The following NCOA2 variants were observed in gnomAD, a reference collection of about 807,000 sequenced individuals.
The protein encoded by NCOA2 is nuclear receptor coactivator 2.
In NCOA2, 21 loss-of-function variants were observed where a neutral mutation model predicts 145.1. The observed-to-expected ratio is 0.14, with a 90% confidence interval of 0.10 to 0.21. The LOEUF is 0.21. NCOA2 is among the 10% of genes least tolerant of loss of function. The pLI is 1.00. For synonymous variants in NCOA2, 619 were observed against 637.5 expected, an observed-to-expected ratio of 0.97 and a Z score of 0.44; for missense variants, 1,472 against 1,837.6, an observed-to-expected ratio of 0.80 and a Z score of 3.64.
At chr8:70,252,698 T>G (rs773660912) in intron 2 of NCOA2, among the ~76,000 whole-genome samples, 1 of 152,216 alleles carries the variant, frequency 6.6e-6, no homozygotes, top group Non-Finnish European at 1.5e-5. Context: ...ATTAAGGTTT[T>G]TATGTCTTTT....
intron 12 of NCOA2, 71 bp from the exon 13 acceptor site, chr8:70,144,919 A>G (rs1437371617): frequency 4.4e-6 from 6 of 1,351,468 alleles, no homozygotes; most frequent in Non-Finnish European, 5.3e-6. Context: ...AGTAGTGTTT[A>G]GGGACAATGT....
chr8:70,326,645 A>G (rs574520046), intron 1 of NCOA2, among the ~76,000 whole-genome samples: 1 of 152,186 alleles, frequency 6.6e-6, no homozygotes, highest in Non-Finnish European at 1.5e-5. Context: ...ATCATTGGTC[A>G]CGGCCTCCAG....
chr8:70,112,470 T>C lies in NCOA2; in HGVS notation c.*1162A>G. 1 of 200,300 alleles carries C rather than the reference T, an allele frequency of 5.0e-6. No homozygotes were observed. Among genetic ancestry groups the C allele is most frequent in the African/African-American group, 2.3e-5 (1 of 43,608 alleles). 12.4% of individuals were successfully genotyped at this position (200,300 alleles called of 1,614,324 possible). A position where few individuals can be genotyped will look rare whatever the true frequency, so the allele number is the denominator to read the frequency against. On this transcript the variant is annotated 3_prime_UTR_variant, in exon 23 of 23. Transcript: ENST00000452400. Reference sequence around the variant, plus strand: ...GCTAAAAAACAAAATAAAAAACACATGGCAGAGGTTAAATCTGTCGTGATA... The same window carrying C: ...GCTAAAAAACAAAATAAAAAACACACGGCAGAGGTTAAATCTGTCGTGATA...
At chr8:70,220,214 G>C (rs1471963787) in intron 2 of NCOA2, among the ~76,000 whole-genome samples, 1 of 152,086 alleles carries the variant, frequency 6.6e-6, no homozygotes, top group African/African-American at 2.4e-5. Flanking sequence ...TAAATTAATA[G>C]TTTCTTATAA....
At chr8:70,230,916 A>AT (rs1427322077) in intron 2 of NCOA2, among the ~76,000 whole-genome samples, 1 of 152,220 alleles carries the variant, frequency 6.6e-6, no homozygotes, top group Non-Finnish European at 1.5e-5. Context: ...CCACCATGTC[A>AT]TTAAATGTCT....
chr8:70,186,044 A>G (rs770969331), intron 4 of NCOA2, among the ~76,000 whole-genome samples: 12 of 152,116 alleles, frequency 7.9e-5, no homozygotes, highest in Non-Finnish European at 1.3e-4. Flanking sequence ...AAACGCACAT[A>G]CAAATAATAA....
intron 3 of NCOA2, among the ~76,000 whole-genome samples, chr8:70,215,263 A>T (rs886796490): frequency 1.3e-5 from 2 of 152,172 alleles, no homozygotes; most frequent in African/African-American, 4.8e-5. Context: ...CTCACAAGGT[A>T]AGAAATAAAT....
intron 2 of NCOA2, among the ~76,000 whole-genome samples, chr8:70,255,966 T>A (rs951055320): frequency 1.3e-5 from 2 of 152,220 alleles, no homozygotes; most frequent in Non-Finnish European, 2.9e-5. Flanking sequence ...TACCTTTCCT[T>A]CCTAAGTCTG....
chr8:70,191,539 CTTACA>C (rs886239925), intron 4 of NCOA2, among the ~76,000 whole-genome samples: 1 of 152,138 alleles, frequency 6.6e-6, no homozygotes, highest in African/African-American at 2.4e-5. Context: ...AGAGATGAAC[CTTACA>C]TTAATTCTTC....
At chr8:70,402,778 C>CCCCCGG (rs1056010696) in intron 1 of NCOA2, among the ~76,000 whole-genome samples, 29 of 151,724 alleles carry the variant, frequency 1.9e-4, no homozygotes, top group South Asian at 6.2e-4. Flanking sequence ...CCGCCTCCCG[C>CCCCCGG]CCCCGGCCCC....
chr8:70,248,552 G>A (rs1234932520), intron 2 of NCOA2, among the ~76,000 whole-genome samples: 2 of 152,050 alleles, frequency 1.3e-5, no homozygotes, highest in Non-Finnish European at 2.9e-5. Flanking sequence ...ATGGTCTTGG[G>A]GGATTGCTTC....
At chr8:70,196,016 G>C (rs942535303) in intron 4 of NCOA2, among the ~76,000 whole-genome samples, 1 of 152,174 alleles carries the variant, frequency 6.6e-6, no homozygotes, top group Admixed American at 6.5e-5. Flanking sequence ...TCTGAATACA[G>C]AGCAGCAGTA....
intron 15 of NCOA2, among the ~76,000 whole-genome samples, chr8:70,133,881 C>T (rs564852888): frequency 6.6e-6 from 1 of 152,294 alleles, no homozygotes; most frequent in South Asian, 2.1e-4. Context: ...GCATTAATAA[C>T]AACCTATTCT....
upstream of NCOA2, among the ~76,000 whole-genome samples, chr8:70,408,390 T>G (rs1563857692): frequency 6.6e-6 from 1 of 152,138 alleles, no homozygotes; most frequent in Non-Finnish European, 1.5e-5. Flanking sequence ...AATTTTAAAA[T>G]GCCATTTACA....
intron 12 of NCOA2, among the ~76,000 whole-genome samples, chr8:70,145,324 A>ATCTTTTCTTTCT (rs1810917980): frequency 6.8e-6 from 1 of 147,228 alleles, no homozygotes; most frequent in African/African-American, 2.5e-5. Context: ...TGCCCGGCTA[A>ATCTTTTCTTTCT]TTTTTTCTTT....
intron 4 of NCOA2, among the ~76,000 whole-genome samples, chr8:70,194,468 T>C (rs758178899): frequency 2.1e-4 from 32 of 152,282 alleles, no homozygotes; most frequent in Non-Finnish European, 3.4e-4. Flanking sequence ...GTTGTTTATC[T>C]AGAGGTTACA....
At chr8:70,270,449 A>G (rs1824955777) in intron 2 of NCOA2, among the ~76,000 whole-genome samples, 1 of 152,144 alleles carries the variant, frequency 6.6e-6, no homozygotes, top group African/African-American at 2.4e-5. Flanking sequence ...TGCTACCATT[A>G]TCTGGCATGC....
chr8:70,306,944 G>A (rs750317350), intron 1 of NCOA2, among the ~76,000 whole-genome samples: 24 of 152,164 alleles, frequency 1.6e-4, no homozygotes, highest in Non-Finnish European at 1.0e-4. Flanking sequence ...GTTAAAGCAA[G>A]AGGAAGAAAT....
At chr8:70,441,740 A>G in the NCOA2 span, among the ~76,000 whole-genome samples, 1 of 150,422 alleles carries the variant, frequency 6.6e-6, no homozygotes, top group Non-Finnish European at 1.5e-5. Context: ...AGAGAAAGAA[A>G]CAGGAAAGAG....
Sources: gnomAD v4.1 joint callset for allele counts (sites outside exome capture counted in the v4.1 genomes callset) on GRCh38, gnomAD v4.1.1 for gene constraint, MANE v1.5 for transcripts, NCBI Gene and HGNC (gene_info 2026-07-23, HGNC 2026-07-21) for gene names.